WWC2: variants seen among roughly 807,000 people sequenced by gnomAD.
WWC2 encodes WW and C2 domain containing 2, also known as protein WWC2.
WWC2 carries 101 observed loss-of-function variants against 138.5 expected under a neutral mutation model. The ratio of observed to expected loss-of-function variants is 0.73; its 90% CI spans 0.62 to 0.86. The LOEUF is 0.86. Among genes scored for constraint, WWC2 ranks in the 40% least tolerant of loss-of-function variants. The pLI is 0.00. For missense variants in WWC2, 1,420 were observed against 1,419.4 expected (o/e 1.00, Z -0.01); for synonymous variants, 558 against 538.4 (o/e 1.04, Z -0.50).
At chr4:183,142,207 T>A (rs1561433780) in intron 1 of WWC2, among the ~76,000 whole-genome samples, 1 of 152,170 alleles carries the variant, frequency 6.6e-6, no homozygotes, top group East Asian at 1.9e-4. Flanking sequence ...AGTATAAGGG[T>A]GACACCCCCT....
intron 16 of WWC2, among the ~76,000 whole-genome samples, chr4:183,275,370 T>A (rs2111390388): frequency 1.3e-5 from 2 of 152,284 alleles, no homozygotes; most frequent in South Asian, 4.1e-4. Flanking sequence ...AGAGCAGACA[T>A]CCTTGTCTTC....
At chr4:183,234,037 G>C (rs1401732231) in intron 4 of WWC2, 1 of 152,192 alleles carries the variant, frequency 6.6e-6, no homozygotes, top group Non-Finnish European at 1.5e-5. Context: ...TTTGAAACCT[G>C]TCTGTCTTGT....
intron 3 of WWC2, 65 bp downstream of exon 3, chr4:183,208,221 C>T (rs180749731): frequency 1.0e-5 from 16 of 1,523,824 alleles, no homozygotes; most frequent in Non-Finnish European, 1.4e-5. Context: ...CAGAAGACCA[C>T]TTACATTTCT....
chr4:183,175,027 T>C (rs1580012675), intron 1 of WWC2, among the ~76,000 whole-genome samples: 1 of 152,204 alleles, frequency 6.6e-6, no homozygotes, highest in Non-Finnish European at 1.5e-5. Flanking sequence ...CTATATTTTC[T>C]CTCTTGCTGT....
At chr4:183,217,816 A>C (rs937528633) in intron 4 of WWC2, among the ~76,000 whole-genome samples, 1 of 152,186 alleles carries the variant, frequency 6.6e-6, no homozygotes, top group Non-Finnish European at 1.5e-5. Flanking sequence ...GACATGTGTA[A>C]TTAAAGTTCC....
chr4:183,289,670 T>C, intron 21 of WWC2, 35 bp downstream of exon 21: 1 of 1,596,072 alleles, frequency 6.3e-7, no homozygotes, highest in Non-Finnish European at 8.5e-7. Flanking sequence ...TCGGAGGGGC[T>C]TACATCTTTT....
chr4:183,222,937 G>T (rs1735972648), intron 4 of WWC2, among the ~76,000 whole-genome samples: 1 of 152,168 alleles, frequency 6.6e-6, no homozygotes, highest in Non-Finnish European at 1.5e-5. Context: ...CTGTACTCCA[G>T]CCTGGGAGAC....
intron 21 of WWC2, among the ~76,000 whole-genome samples, chr4:183,299,565 T>C (rs994850933): frequency 3.9e-5 from 6 of 152,210 alleles, no homozygotes; most frequent in Non-Finnish European, 8.8e-5. Context: ...AAACCAGTTT[T>C]TTGAAAAAAC....
At chr4:183,208,223 T>TA (rs1438051030) in intron 3 of WWC2, 67 bp downstream of exon 3, 35 of 1,516,012 alleles carry the variant, frequency 2.3e-5, no homozygotes, top group Non-Finnish European at 3.0e-5. Context: ...GAAGACCACT[T>TA]ACATTTCTAT....
intron 1 of WWC2, among the ~76,000 whole-genome samples, chr4:183,169,116 A>G (rs866311785): frequency 6.6e-6 from 1 of 152,128 alleles, no homozygotes; most frequent in African/African-American, 2.4e-5. Flanking sequence ...CCAAAGTGCC[A>G]GGATTGCAGG....
intron 1 of WWC2, among the ~76,000 whole-genome samples, chr4:183,110,866 T>C (rs1015406879): frequency 5.3e-5 from 8 of 152,162 alleles, no homozygotes; most frequent in Non-Finnish European, 1.0e-4. Context: ...CTGGGTTGTG[T>C]TGGTCACCAG....
intron 21 of WWC2, among the ~76,000 whole-genome samples, chr4:183,303,756 G>A (rs534449464): frequency 6.6e-6 from 1 of 152,236 alleles, no homozygotes; most frequent in African/African-American, 2.4e-5. Flanking sequence ...TCAAAGTACA[G>A]ATTAACATTA....
rs1046528318 is a variant in WWC2 at position 183,165,864 on chromosome 4, C to T, written c.132-27735C>T. Among the ~76,000 whole-genome samples, 41 of 152,146 alleles carry T rather than the reference C, an allele frequency of 2.7e-4. 2 individuals are homozygous for T. The highest frequency in any genetic ancestry group is 2.9e-5 in the Non-Finnish European group (2 of 68,028). On this transcript the variant is annotated intron_variant, in intron 1 of 22. Transcript: ENST00000403733. ...TTTTAAAAAATGCTTTTGTTTAATTCATAAGACTTTCTGTCATAGTAAAAG... is the reference window on the plus strand; with the variant it reads ...TTTTAAAAAATGCTTTTGTTTAATTTATAAGACTTTCTGTCATAGTAAAAG...
At chr4:183,121,246 A>G (rs886405256) in intron 1 of WWC2, among the ~76,000 whole-genome samples, 2 of 151,874 alleles carry the variant, frequency 1.3e-5, no homozygotes, top group Non-Finnish European at 1.5e-5. Context: ...AAATAATTAA[A>G]TTGTTGACGT....
intron 1 of WWC2, among the ~76,000 whole-genome samples, chr4:183,168,551 C>T (rs923816169): frequency 6.6e-6 from 1 of 152,066 alleles, no homozygotes; most frequent in Non-Finnish European, 1.5e-5. Flanking sequence ...TCTTGTGCAG[C>T]GGGTATTTAC....
intron 21 of WWC2, among the ~76,000 whole-genome samples, chr4:183,301,421 CT>C (rs766017638): frequency 6.6e-6 from 1 of 151,896 alleles, no homozygotes; most frequent in Non-Finnish European, 1.5e-5. Context: ...TAGACAAACC[CT>C]TTCAAACCAG....
chr4:183,152,921 G>A (rs1483624763), intron 1 of WWC2, among the ~76,000 whole-genome samples: 1 of 151,958 alleles, frequency 6.6e-6, no homozygotes, highest in Non-Finnish European at 1.5e-5. Flanking sequence ...ATAGAGTTGG[G>A]TTCTTGCTCT....
rs72433344 is a variant in WWC2, at chr4:183,168,179, T to TTTC, written c.132-25418_132-25417insCTT. Among the ~76,000 whole-genome samples, 502 of 123,890 alleles carry TTTC rather than the reference T, an allele frequency of 4.1e-3. 1 individual carries two copies. Among genetic ancestry groups the TTTC allele is most frequent in the African/African-American group, 4.4e-3 (139 of 31,512 alleles). 81.3% of individuals were successfully genotyped at this position (123,890 alleles called of 152,430 possible). A position where few individuals can be genotyped will look rare whatever the true frequency, so the allele number is the denominator to read the frequency against. ...GACTTTTTTTCTTTTCTTTTCTTTC[T>TTTC]TTTTTTTTTTTTTTTAAGATTTAGA... On this transcript the variant is annotated intron_variant, in intron 1 of 22. Transcript: ENST00000403733.
chr4:183,183,149 T>A (rs1734686812), intron 1 of WWC2, among the ~76,000 whole-genome samples: 1 of 152,190 alleles, frequency 6.6e-6, no homozygotes, highest in African/African-American at 2.4e-5. Context: ...TATTTCTAGG[T>A]TAAAAGGAAT....
Sources: gnomAD v4.1 joint callset for allele counts (sites outside exome capture counted in the v4.1 genomes callset) on GRCh38, gnomAD v4.1.1 for gene constraint, MANE v1.5 for transcripts, NCBI Gene and HGNC (gene_info 2026-07-23, HGNC 2026-07-21) for gene names.